DMD: variants seen among roughly 807,000 people sequenced by gnomAD.
DMD encodes dystrophin.
In DMD, 63 loss-of-function variants were observed where a neutral mutation model predicts 330.1. The ratio of observed to expected loss-of-function variants is 0.19; its 90% confidence interval spans 0.16 to 0.24. The LOEUF is 0.24. Among genes scored for constraint, DMD ranks in the 10% least tolerant of loss-of-function variants. The pLI is 1.00. For missense variants in DMD, 3,344 were observed against 2,684.1 expected (o/e 1.25, Z -5.43); for synonymous variants, 1,223 against 959.8 (o/e 1.27, Z -5.07).
chrX:31,759,219 T>C (rs1349692847), intron 51 of DMD, among the ~76,000 whole-genome samples: 1 of 109,718 alleles, frequency 9.1e-6, no homozygotes, highest in African/African-American at 3.3e-5. Flanking sequence ...ACAGTGTTCT[T>C]TACCATGATA....
intron 9 of DMD, among the ~76,000 whole-genome samples, chrX:32,654,366 T>C (rs919504016): frequency 2.7e-5 from 3 of 111,966 alleles, no homozygotes; most frequent in Non-Finnish European, 5.6e-5. Flanking sequence ...ATGAAGGTTG[T>C]TGAATTTTGT....
intron 43 of DMD, among the ~76,000 whole-genome samples, chrX:32,281,926 T>C (rs149783767): frequency 0.011 from 1,205 of 111,959 alleles, 14 homozygotes; most frequent in African/African-American, 0.036. Context: ...TGAATTTAAC[T>C]ACTTATATGG....
intron 67 of DMD, among the ~76,000 whole-genome samples, chrX:31,191,842 G>A (rs958841257): frequency 8.9e-6 from 1 of 112,267 alleles, no homozygotes; most frequent in Non-Finnish European, 1.9e-5. Context: ...TCATTTCAAT[G>A]TCATTGCCAT....
At chrX:32,968,898 G>A (rs2147110740) in intron 2 of DMD, among the ~76,000 whole-genome samples, 1 of 106,178 alleles carries the variant, frequency 9.4e-6, no homozygotes, top group Non-Finnish European at 1.9e-5. Context: ...GCGTGGTGGT[G>A]GGTGCCTATA....
intron 34 of DMD, among the ~76,000 whole-genome samples, chrX:32,369,998 C>T (rs2097868024): frequency 9.0e-6 from 1 of 111,210 alleles, no homozygotes. Flanking sequence ...AGTCCCCCTA[C>T]CCAGGTGAAT....
intron 4 of DMD, among the ~76,000 whole-genome samples, chrX:32,828,680 CAT>C (rs1240100278): frequency 9.1e-6 from 1 of 110,329 alleles, no homozygotes; most frequent in Non-Finnish European, 1.9e-5. Context: ...CATATATACA[CAT>C]ATATATGTAA....
chrX:32,454,770 A>G lies in DMD; in HGVS notation c.3495T>C (p.Asp1165=). 8.3e-7 allele frequency: 1 copy of G among 1,206,594 alleles called. No homozygotes were observed. Among genetic ancestry groups the G allele is most frequent in the Non-Finnish European group, 1.1e-6 (1 of 892,648 alleles). The change falls in exon 26 of 79, where the codon GAT becomes GAC. Residue 1165 remains aspartate (D), a synonymous_variant. Coordinates refer to ENST00000357033, the MANE Select transcript of DMD (RefSeq NM_004006.3). ...TCATCCATTCGTGCATCTCTGATAG[A>G]TCTTTCTGGAGGCTTACAGTTTTCT... is the stretch of plus-strand genomic sequence containing the variant. ...GLEKTVSLQK[D]LSEMHEWMTQ... is the part of the protein sequence containing the mutation.
At chrX:32,381,333 ATCCTGTGC>A (rs1165276875) in intron 33 of DMD, among the ~76,000 whole-genome samples, 2 of 111,457 alleles carry the variant, frequency 1.8e-5, no homozygotes, top group Non-Finnish European at 3.8e-5. Context: ...TAATTACTTG[ATCCTGTGC>A]TCCTGTTCTC....
chrX:32,780,689 T>C (rs2074632656), intron 7 of DMD, among the ~76,000 whole-genome samples: 1 of 111,484 alleles, frequency 9.0e-6, no homozygotes, highest in African/African-American at 3.3e-5. Context: ...AATCAGTTAA[T>C]TTAATCTATC....
chrX:31,381,975 C>A (rs754970471), intron 60 of DMD, among the ~76,000 whole-genome samples: 2 of 111,577 alleles, frequency 1.8e-5, no homozygotes, highest in South Asian at 7.6e-4. Flanking sequence ...ACTAAAATAC[C>A]TCTTGGTCTA....
intron 1 of DMD, among the ~76,000 whole-genome samples, chrX:33,188,887 C>T (rs762909379): frequency 9.0e-6 from 1 of 110,751 alleles, no homozygotes; most frequent in South Asian, 3.8e-4. Context: ...AGAGGAAAGA[C>T]CATGAGAAGA....
chrX:32,043,305 T>C (rs2096027187), intron 44 of DMD, among the ~76,000 whole-genome samples: 2 of 112,218 alleles, frequency 1.8e-5, no homozygotes, highest in South Asian at 7.3e-4. Flanking sequence ...GAGATAGACA[T>C]AACTGTCAGC....
At chrX:31,634,357 TA>T (rs2079289462) in intron 54 of DMD, among the ~76,000 whole-genome samples, 2 of 111,882 alleles carry the variant, frequency 1.8e-5, no homozygotes, top group Non-Finnish European at 3.8e-5. Flanking sequence ...AACCATGACC[TA>T]AATGTTCCCA....
chrX:32,276,196 G>A (rs1286865232), intron 43 of DMD, among the ~76,000 whole-genome samples: 1 of 112,555 alleles, frequency 8.9e-6, no homozygotes, highest in Non-Finnish European at 1.9e-5. Flanking sequence ...CCAGCCAGAA[G>A]GGAATCGCCC....
intron 1 of DMD, among the ~76,000 whole-genome samples, chrX:33,268,907 C>CAAAAAAAAAAAAAAAAAAAAAAAAAAA (rs202219233): frequency 2.3e-5 from 1 of 43,317 alleles, no homozygotes. Flanking sequence ...GCCTGGGTGA[C>CAAAAAAAAAAAAAAAAAAAAAAAAAAA]AAAAAAAAAA....
intron 44 of DMD, among the ~76,000 whole-genome samples, chrX:32,178,232 C>T (rs1370568460): frequency 9.3e-6 from 1 of 107,277 alleles, no homozygotes; most frequent in East Asian, 2.9e-4. Flanking sequence ...CAATAAACTA[C>T]TTTTCATGTA....
intron 52 of DMD, among the ~76,000 whole-genome samples, chrX:31,708,536 C>A (rs746328264): frequency 9.0e-6 from 1 of 111,725 alleles, no homozygotes; most frequent in African/African-American, 3.2e-5. Context: ...AAATTAGGAT[C>A]CTATGGCATA....
intron 9 of DMD, among the ~76,000 whole-genome samples, chrX:32,656,750 G>T (rs760260570): frequency 4.5e-5 from 5 of 111,644 alleles, no homozygotes; most frequent in Non-Finnish European, 9.4e-5. Flanking sequence ...CTGACCCCGT[G>T]CCTAACAGCA....
At chrX:31,239,500 C>T (rs1194628649) in intron 63 of DMD, among the ~76,000 whole-genome samples, 1 of 111,126 alleles carries the variant, frequency 9.0e-6, no homozygotes, top group Non-Finnish European at 1.9e-5. Flanking sequence ...AACTAGAATC[C>T]AAGTCTTTTT....
Sources: gnomAD v4.1 joint callset for allele counts (sites outside exome capture counted in the v4.1 genomes callset) on GRCh38, gnomAD v4.1.1 for gene constraint, MANE v1.5 for transcripts, NCBI Gene and HGNC (gene_info 2026-07-23, HGNC 2026-07-21) for gene names.